RALGPS1: variants seen among roughly 807,000 people sequenced by gnomAD.
RALGPS1 encodes the protein Ral GEF with PH domain and SH3 binding motif 1.
In RALGPS1, 19 loss-of-function variants were observed where a neutral mutation model predicts 78.8. That is an observed-to-expected ratio of 0.24 (90% CI 0.17 to 0.35). The LOEUF (loss-of-function observed/expected upper bound fraction) is 0.35. Among genes scored for constraint, RALGPS1 ranks in the 10% least tolerant of loss-of-function variants. The pLI, the probability that RALGPS1 is intolerant of heterozygous loss-of-function variation, is 1.00. For synonymous variants in RALGPS1, 228 were observed against 256.3 expected (o/e 0.89, Z 1.06); for missense variants, 454 against 688.3 (o/e 0.66, Z 3.81).
chr9:127,042,109 TTTTC>T (rs1454725815), intron 5 of RALGPS1, among the ~76,000 whole-genome samples: 1 of 152,194 alleles, frequency 6.6e-6, no homozygotes, highest in East Asian at 1.9e-4. Flanking sequence ...TTCTTGTTGT[TTTTC>T]TTTGTTTTAT....
intron 10 of RALGPS1, among the ~76,000 whole-genome samples, chr9:127,174,082 G>A (rs57096458): frequency 0.54 from 82,255 of 151,584 alleles, 23,462 homozygotes; most frequent in African/African-American, 0.71. Context: ...CAACATGGTG[G>A]AACCCCGTCT....
Position 127,091,647 on chromosome 9 carries a change from G to A in RALGPS1, c.610+22291G>A, listed in dbSNP as rs1207417218. The A allele has an allele frequency of 4.4e-6, 7 of 1,606,778 alleles. No homozygotes were observed. The highest frequency in any genetic ancestry group is 8.5e-7 in the Non-Finnish European group (1 of 1,175,344). On this transcript the variant is annotated intron_variant, in intron 8 of 18. Coordinates refer to ENST00000259351, the MANE Select transcript of RALGPS1 (RefSeq NM_014636.3). The surrounding 1 kb of genome is among the most constrained non-coding windows in gnomAD (Gnocchi z 4.3). ...GACCTCTTTTCCCTACCCTGCACCT[G>A]GGTTTGACTCCACTTTTCCTACCTG...
At chr9:127,104,989 C>T (rs73595421) in intron 8 of RALGPS1, among the ~76,000 whole-genome samples, 2,480 of 152,226 alleles carry the variant, frequency 0.016, 76 homozygotes, top group African/African-American at 0.056. Context: ...CTGACTGTTC[C>T]GTGCAGAGAG....
At chr9:127,081,273 G>A (rs549379895) in intron 8 of RALGPS1, among the ~76,000 whole-genome samples, 1 of 152,176 alleles carries the variant, frequency 6.6e-6, no homozygotes, top group Non-Finnish European at 1.5e-5. Context: ...ATTCTCTTGG[G>A]CTCTAAGATA....
intron 8 of RALGPS1, among the ~76,000 whole-genome samples, chr9:127,092,434 C>G (rs1307042495): frequency 2.6e-5 from 4 of 151,956 alleles, no homozygotes; most frequent in Admixed American, 1.3e-4. Context: ...GTCTAAAACC[C>G]AGTGGTTTTG....
intron 8 of RALGPS1, among the ~76,000 whole-genome samples, chr9:127,078,860 A>G (rs753128301): frequency 6.6e-6 from 1 of 152,204 alleles, no homozygotes; most frequent in Non-Finnish European, 1.5e-5. Context: ...ACTAATTACA[A>G]AAACTCATGT....
intron 1 of RALGPS1, among the ~76,000 whole-genome samples, chr9:126,960,177 T>G (rs1406014844): frequency 3.5e-5 from 1 of 28,444 alleles, no homozygotes; most frequent in African/African-American, 1.4e-4. Context: ...CCTCCCTCCC[T>G]CCCTCCCTCC....
intron 8 of RALGPS1, chr9:127,088,794 G>T: frequency 1.1e-6 from 1 of 894,740 alleles, no homozygotes; most frequent in Non-Finnish European, 1.8e-6. Flanking sequence ...ATCATCCGCT[G>T]CAGTGACTTC....
At chr9:127,044,159 A>G (rs2047551926) in intron 5 of RALGPS1, among the ~76,000 whole-genome samples, 1 of 152,268 alleles carries the variant, frequency 6.6e-6, no homozygotes, top group African/African-American at 2.4e-5. Context: ...GGTAAGGTAA[A>G]TGGATAATAA....
At chr9:127,076,570 A>C (rs980517545) in intron 8 of RALGPS1, among the ~76,000 whole-genome samples, 2 of 152,240 alleles carry the variant, frequency 1.3e-5, no homozygotes, top group African/African-American at 4.8e-5. Context: ...TAAAGTTTAA[A>C]ATCAAGACAA....
chr9:127,147,160 G>T (rs191441001), intron 8 of RALGPS1, among the ~76,000 whole-genome samples: 4 of 152,226 alleles, frequency 2.6e-5, no homozygotes, highest in Non-Finnish European at 5.9e-5. Flanking sequence ...ATATTTGTTG[G>T]CTGCTTGTAT....
rs2062793299 is a variant in RALGPS1 at position 127,222,318 on chromosome 9, T to C, written c.*3549T>C. On this transcript the variant is annotated 3_prime_UTR_variant, in exon 19 of 19. Coordinates refer to ENST00000259351, the MANE Select transcript of RALGPS1 (RefSeq NM_014636.3). The stretch of plus-strand genomic sequence containing the variant: ...TGAATGGCCTCTTGGTCTGCGAAAA[T>C]TCAGTTGCAATGAGGATGAAGTCAC... 1 of 152,146 alleles carries C rather than the reference T, an allele frequency of 6.6e-6. No homozygotes were observed. The highest frequency in any genetic ancestry group is 2.4e-5 in the African/African-American group (1 of 41,412). 9.4% of individuals were successfully genotyped at this position (152,146 alleles called of 1,614,324 possible).
At chr9:127,213,541 A>T (rs1290842304) in intron 17 of RALGPS1, among the ~76,000 whole-genome samples, 1 of 152,170 alleles carries the variant, frequency 6.6e-6, no homozygotes, top group Non-Finnish European at 1.5e-5. Context: ...CCACTTCATG[A>T]TCATGCTGGG....
intron 14 of RALGPS1, among the ~76,000 whole-genome samples, chr9:127,199,338 T>G (rs1477909298): frequency 6.6e-6 from 1 of 152,126 alleles, no homozygotes; most frequent in Non-Finnish European, 1.5e-5. Context: ...AGGAGGCCTG[T>G]GAGTAGATTT....
chr9:127,191,058 CT>C (rs1322258768), intron 11 of RALGPS1, among the ~76,000 whole-genome samples: 2 of 152,122 alleles, frequency 1.3e-5, no homozygotes, highest in Non-Finnish European at 2.9e-5. Flanking sequence ...CCTTTCATAT[CT>C]TTTGCTTGTT....
At chr9:127,100,784 C>T (rs1251102611) in intron 8 of RALGPS1, among the ~76,000 whole-genome samples, 4 of 152,300 alleles carry the variant, frequency 2.6e-5, no homozygotes, top group South Asian at 2.1e-4. Flanking sequence ...CCATAGTTGG[C>T]GAGTGTATTA....
chr9:127,022,173 C>T (rs1210929528), intron 4 of RALGPS1, among the ~76,000 whole-genome samples: 1 of 152,042 alleles, frequency 6.6e-6, no homozygotes, highest in African/African-American at 2.4e-5. Context: ...GATCCTTTCC[C>T]CCTCTTGTGG....
At chr9:126,997,960 T>C (rs981153191) in intron 4 of RALGPS1, among the ~76,000 whole-genome samples, 11 of 152,184 alleles carry the variant, frequency 7.2e-5, no homozygotes, top group African/African-American at 2.7e-4. Flanking sequence ...GAAAACTGGC[T>C]AGCCATATGT....
chr9:127,112,743 A>G (rs1034573725), intron 8 of RALGPS1, among the ~76,000 whole-genome samples: 1 of 152,262 alleles, frequency 6.6e-6, no homozygotes, highest in Admixed American at 6.5e-5. Flanking sequence ...TAGCAATACG[A>G]TAGCAAGAAC....
Sources: gnomAD v4.1 joint callset for allele counts (sites outside exome capture counted in the v4.1 genomes callset) on GRCh38, gnomAD v4.1.1 for gene constraint, Gnocchi (gnomAD v3.1) non-coding constraint, MANE v1.5 for transcripts, NCBI Gene and HGNC (gene_info 2026-07-23, HGNC 2026-07-21) for gene names.